Variants in PKN2 observed in about 807,000 individuals in gnomAD.
PKN2 encodes serine/threonine-protein kinase N2.
In PKN2, 38 loss-of-function variants were observed where a neutral mutation model predicts 119.1. The observed-to-expected ratio is 0.32, with a 90% CI of 0.25 to 0.42. PKN2 has a LOEUF of 0.42. PKN2 is among the 10% of genes least tolerant of loss of function. PKN2 has a pLI of 1.00. For missense variants in PKN2, 850 were observed against 1,165.1 expected (o/e 0.73, Z 3.94); for synonymous variants, 390 against 384.9 (o/e 1.01, Z -0.15).
chr1:88,788,476 G>A (rs181003386), intron 8 of PKN2, among the ~76,000 whole-genome samples: 9 of 150,574 alleles, frequency 6.0e-5, no homozygotes, highest in South Asian at 2.1e-4. Context: ...ATGGAGTTTC[G>A]CTCTTGTTGC....
intron 19 of PKN2, among the ~76,000 whole-genome samples, chr1:88,831,464 A>AT (rs1441306629): frequency 1.3e-5 from 2 of 151,800 alleles, no homozygotes; most frequent in African/African-American, 4.8e-5. Flanking sequence ...CATGTAGTAC[A>AT]TTTGATTTAT....
intron 5 of PKN2, 27 bp downstream of exon 5, chr1:88,771,593 G>C (rs769365002): frequency 1.9e-6 from 3 of 1,560,464 alleles, no homozygotes; most frequent in African/African-American, 2.8e-5. Context: ...ATTTTTATTT[G>C]GTTTAATAAA....
intron 3 of PKN2, among the ~76,000 whole-genome samples, chr1:88,764,699 A>G (rs1038900864): frequency 3.9e-5 from 6 of 151,956 alleles, no homozygotes; most frequent in African/African-American, 1.5e-4. Context: ...CCCTTTTATG[A>G]CTAACTATTT....
chr1:88,726,060 G>A (rs1418841848), intron 1 of PKN2, among the ~76,000 whole-genome samples: 3 of 152,148 alleles, frequency 2.0e-5, no homozygotes, highest in African/African-American at 7.2e-5. Flanking sequence ...TGTATTCTGT[G>A]ATTTTGCGAA....
intron 3 of PKN2, among the ~76,000 whole-genome samples, chr1:88,761,505 G>C (rs1669440837): frequency 6.6e-6 from 1 of 150,910 alleles, no homozygotes; most frequent in African/African-American, 2.4e-5. Flanking sequence ...ACTAGGCCTG[G>C]TGGCTCACAC....
At chr1:88,735,598 GCCCAC>G (rs748748124) in intron 1 of PKN2, among the ~76,000 whole-genome samples, 43 of 12,050 alleles carry the variant, frequency 3.6e-3, no homozygotes, top group South Asian at 0.013. Flanking sequence ...TTGGTTGACA[GCCCAC>G]CCCCCCCCCC....
chr1:88,820,180 C>CAATA lies in PKN2; in HGVS notation c.2280-1761_2280-1760insAATA, dbSNP rs1491259052. ...AAATCAAACAAATCTTTTCAGAAAC[C>CAATA]TATATATATATATATATATATATAT... On this transcript the variant is annotated intron_variant, in intron 16 of 21. Transcript: ENST00000370521. Among the ~76,000 whole-genome samples, 67 of 70,724 alleles carry CAATA rather than the reference C, an allele frequency of 9.5e-4. 4 individuals carry two copies. Among genetic ancestry groups the CAATA allele is most frequent in the African/African-American group, 3.2e-3 (53 of 16,622 alleles). The allele number at this position is 70,724 out of a possible 152,430, so 46.4% of individuals were successfully genotyped here.
At chr1:88,743,930 C>G (rs914840980) in intron 2 of PKN2, among the ~76,000 whole-genome samples, 6 of 151,630 alleles carry the variant, frequency 4.0e-5, no homozygotes, top group Non-Finnish European at 8.8e-5. Flanking sequence ...TGAAATATAA[C>G]TTTATACTGT....
At chr1:88,778,487 C>T (rs1049153780) in intron 6 of PKN2, among the ~76,000 whole-genome samples, 2 of 152,218 alleles carry the variant, frequency 1.3e-5, no homozygotes, top group African/African-American at 4.8e-5. Flanking sequence ...GAGGATGCCT[C>T]TTGCTTGCAC....
intron 1 of PKN2, among the ~76,000 whole-genome samples, chr1:88,708,054 G>A (rs1306207967): frequency 6.6e-6 from 1 of 152,114 alleles, no homozygotes; most frequent in Non-Finnish European, 1.5e-5. Context: ...GTTTTATTCA[G>A]TAGCATCACT....
intron 4 of PKN2, 107 bp from the exon 5 acceptor site, chr1:88,771,314 C>T (rs1669885540): frequency 1.4e-6 from 1 of 720,492 alleles, no homozygotes; most frequent in Non-Finnish European, 2.3e-6. Context: ...GATGTAAGGA[C>T]TAAGTTATTG....
chr1:88,762,690 T>C (rs1204477218), intron 3 of PKN2, among the ~76,000 whole-genome samples: 1 of 152,148 alleles, frequency 6.6e-6, no homozygotes, highest in East Asian at 1.9e-4. Context: ...CACATGTAAA[T>C]AGTTAAAGTG....
At position 88,769,839 on chromosome 1, in the gene PKN2, A is replaced by G. The variant is rs145581405; in HGVS notation, c.505-513A>G. 2.9e-4 allele frequency among the ~76,000 whole-genome samples: 44 copies of G among 152,322 alleles called. 1 individual carries two copies. In the East Asian group the frequency reaches 4.2e-3, roughly 15 times the overall value. ...AAGAAATGGGGAGAAGTTGGTCAAA[A>G]GGTACATACTTAGAGTTAGGTAGGA... On this transcript the variant is annotated intron_variant, in intron 3 of 21. Coordinates refer to ENST00000370521, the MANE Select transcript of PKN2 (RefSeq NM_006256.4).
At chr1:88,693,835 A>G (rs1666422235) in intron 1 of PKN2, among the ~76,000 whole-genome samples, 2 of 152,158 alleles carry the variant, frequency 1.3e-5, no homozygotes, top group South Asian at 4.1e-4. Flanking sequence ...GACTTACTGT[A>G]ATTGCTTTTC....
chr1:88,722,764 C>T (rs1249595498), intron 1 of PKN2, among the ~76,000 whole-genome samples: 1 of 147,764 alleles, frequency 6.8e-6, no homozygotes, highest in African/African-American at 2.5e-5. Context: ...GCTTGGGTGA[C>T]AGTGCAAGAC....
intron 16 of PKN2, among the ~76,000 whole-genome samples, chr1:88,815,187 TA>T (rs1557631166): frequency 6.6e-6 from 1 of 152,252 alleles, no homozygotes; most frequent in Non-Finnish European, 1.5e-5. Flanking sequence ...AAATAATACA[TA>T]AATGTAGTTT....
intron 8 of PKN2, among the ~76,000 whole-genome samples, chr1:88,791,393 C>T (rs969958313): frequency 7.4e-5 from 11 of 148,794 alleles, no homozygotes; most frequent in Admixed American, 1.3e-4. Flanking sequence ...GCTGAGATTG[C>T]ACCACTGCAC....
chr1:88,786,736 T>C (rs1457693957), intron 8 of PKN2, among the ~76,000 whole-genome samples: 1 of 152,106 alleles, frequency 6.6e-6, no homozygotes, highest in African/African-American at 2.4e-5. Context: ...AGTCCATTCA[T>C]TGGGTTGTGA....
intron 1 of PKN2, among the ~76,000 whole-genome samples, chr1:88,685,619 C>A (rs547303645): frequency 6.6e-6 from 1 of 152,096 alleles, no homozygotes; most frequent in Admixed American, 6.5e-5. Context: ...TGGGAGTGTT[C>A]CAGAGATGTT....
Sources: allele counts gnomAD v4.1 joint callset (sites outside exome capture counted in the v4.1 genomes callset), GRCh38; gene constraint gnomAD v4.1.1; transcripts MANE v1.5; gene names NCBI Gene and HGNC (gene_info 2026-07-23, HGNC 2026-07-21).